The following ROCK1 variants were observed in gnomAD, a reference collection of about 807,000 sequenced individuals.
ROCK1 encodes the protein Rho associated coiled-coil containing protein kinase 1.
In ROCK1, 36 loss-of-function variants were observed where a neutral mutation model predicts 196.8. The observed-to-expected ratio is 0.18, with a 90% CI of 0.14 to 0.24. The LOEUF (loss-of-function observed/expected upper bound fraction) is 0.24, where lower values mean the gene tolerates loss of function less well. Ranked by LOEUF, ROCK1 falls within the 10% of genes least tolerant of loss-of-function variation. ROCK1 has a pLI of 1.00. For missense variants in ROCK1, 920 were observed against 1,562.0 expected (o/e 0.59, Z 6.93); for synonymous variants, 443 against 515.9 (o/e 0.86, Z 1.91).
At position 21,023,215 on chromosome 18, in the gene ROCK1, G is replaced by C. The variant is rs545017435; in HGVS notation, c.1272+405C>G. On this transcript the variant is annotated intron_variant, in intron 11 of 32. Transcript: ENST00000399799. ...TGAAGGTGCTTAATGCCACCGAACT[G>C]CACACTTAAAAATGATTAAAACGGT... is the stretch of plus-strand genomic sequence containing the variant. Among the ~76,000 whole-genome samples the C allele has an allele frequency of 5.3e-5, 8 of 152,194 alleles. No homozygotes were observed. In the South Asian group the frequency reaches 1.7e-3, roughly 32 times the overall value.
At position 20,992,613 on chromosome 18, in the gene ROCK1, C is replaced by A. The variant is rs2035636030; in HGVS notation, c.1992+218G>T. 3.9e-5 allele frequency among the ~76,000 whole-genome samples: 6 copies of A among 152,206 alleles called. No homozygotes were observed. The South Asian group carries it at 1.0e-3, about 26-fold the overall frequency. On this transcript the variant is annotated intron_variant, in intron 17 of 32. Transcript: ENST00000399799. The stretch of plus-strand genomic sequence containing the variant: ...TCTGTGATGATCTGTTAACATGAAA[C>A]ATCTAATGCTCTCTAGGGTAAAAAC...
Position 20,947,146 on chromosome 18 carries a change from A to G in ROCK1, c.*4238T>C, listed in dbSNP as rs919599643. 11 of 152,240 alleles carry G rather than the reference A, an allele frequency of 7.2e-5. No individual in the cohort carries two copies. The highest frequency in any genetic ancestry group is 1.3e-4 in the Non-Finnish European group (9 of 68,050). 9.4% of individuals were successfully genotyped at this position (152,240 alleles called of 1,614,324 possible). On this transcript the variant is annotated 3_prime_UTR_variant, in exon 33 of 33. Transcript: ENST00000399799. ...AGACAATTCATTAACATTTGGCAAA[A>G]GAAAGGAGATATTTAATCTCTTTGT...
At chr18:21,062,658 G>A (rs984033959) in intron 2 of ROCK1, among the ~76,000 whole-genome samples, 1 of 152,072 alleles carries the variant, frequency 6.6e-6, no homozygotes, top group African/African-American at 2.4e-5. Context: ...ACAGCGTTTG[G>A]AAAAAGAAAA....
Position 20,987,066 on chromosome 18 carries a change from C to A in ROCK1, c.2188G>T (p.Ala730Ser). ...TCAATCTGAACAACCCGATTTTCAG[C>A]CTTCTCTCGAGCTTCTCTTTCTTCT... The part of the protein sequence containing the change: ...LKEEREAREK[A>S]ENRVVQIEKQ... The change falls in exon 19 of 33, where the codon GCT becomes TCT. Residue 730 changes from alanine (A) to serine (S), a missense_variant. Around this residue, in one of 6 missense-constraint regions of ROCK1, gnomAD observed 520 missense variants for 657.1 expected, o/e 0.79. Transcript: ENST00000399799. 6.2e-7 allele frequency: 1 copy of A among 1,612,816 alleles called. No individual in the cohort carries two copies. Among genetic ancestry groups the A allele is most frequent in the East Asian group, 2.2e-5 (1 of 44,830 alleles).
At chr18:20,958,327 C>G (rs1274051136) in intron 29 of ROCK1, among the ~76,000 whole-genome samples, 1 of 151,914 alleles carries the variant, frequency 6.6e-6, no homozygotes, top group African/African-American at 2.4e-5. Flanking sequence ...GATGATAATA[C>G]TTTATTTTAT....
At chr18:21,047,370 T>C (rs768731204) in intron 4 of ROCK1, among the ~76,000 whole-genome samples, 3 of 152,062 alleles carry the variant, frequency 2.0e-5, no homozygotes, top group Non-Finnish European at 2.9e-5. Context: ...AATAAACACA[T>C]TAGTAACTGA....
At position 20,986,033 on chromosome 18, in the gene ROCK1, A is replaced by G. The variant is rs549695830; in HGVS notation, c.2304+917T>C. 3.5e-4 allele frequency among the ~76,000 whole-genome samples: 53 copies of G among 152,116 alleles called. No homozygotes were observed. In the South Asian group the frequency reaches 0.011, roughly 30 times the overall value. On this transcript the variant is annotated intron_variant, in intron 19 of 32. Transcript: ENST00000399799. ...GACACCACACCTAGCTGATTTTTGT[A>G]TTTGAGATGGGGTTTCACCATGTTG...
At chr18:21,058,369 A>G (rs1336686994) in intron 2 of ROCK1, among the ~76,000 whole-genome samples, 1 of 152,188 alleles carries the variant, frequency 6.6e-6, no homozygotes, top group Non-Finnish European at 1.5e-5. Flanking sequence ...TCTAAGATAC[A>G]TTCTAATTTC....
chr18:21,099,562 A>G (rs1462928046), intron 1 of ROCK1, among the ~76,000 whole-genome samples: 1 of 152,100 alleles, frequency 6.6e-6, no homozygotes, highest in Non-Finnish European at 1.5e-5. Flanking sequence ...TAGGCAACAC[A>G]GCGAGACTCC....
intron 1 of ROCK1, among the ~76,000 whole-genome samples, chr18:21,079,363 T>C (rs1186434316): frequency 3.9e-5 from 6 of 152,160 alleles, no homozygotes; most frequent in African/African-American, 1.4e-4. Flanking sequence ...GTAGTGAGGG[T>C]TTAACTTAGC....
At chr18:21,057,131 T>C (rs1298857988) in intron 2 of ROCK1, among the ~76,000 whole-genome samples, 1 of 152,228 alleles carries the variant, frequency 6.6e-6, no homozygotes, top group Non-Finnish European at 1.5e-5. Context: ...ATCTGGTAAG[T>C]CTTCCTTCAT....
At chr18:20,981,872 T>C (rs1486092401) in intron 21 of ROCK1, among the ~76,000 whole-genome samples, 2 of 152,168 alleles carry the variant, frequency 1.3e-5, no homozygotes, top group Non-Finnish European at 2.9e-5. Context: ...GAAATTCAAA[T>C]AAGTAAATCA....
chr18:21,045,142 T>A, intron 5 of ROCK1, 150 bp downstream of exon 5: 1 of 592,108 alleles, frequency 1.7e-6, no homozygotes, highest in Non-Finnish European at 2.7e-6. Context: ...ATTACAGGCG[T>A]GAGGCAGCGC....
intron 1 of ROCK1, among the ~76,000 whole-genome samples, chr18:21,097,794 C>A (rs2143595550): frequency 6.6e-6 from 1 of 152,314 alleles, no homozygotes; most frequent in East Asian, 1.9e-4. Flanking sequence ...CTATGAGGGT[C>A]TATGATTAAT....
intron 22 of ROCK1, among the ~76,000 whole-genome samples, 181 bp from the exon 23 acceptor site, chr18:20,970,694 G>GA (rs2035417828): frequency 6.6e-6 from 1 of 152,096 alleles, no homozygotes; most frequent in Admixed American, 6.5e-5. Flanking sequence ...CTCACATGTT[G>GA]AAAAATTATA....
At chr18:21,108,040 G>C (rs989002576) in intron 1 of ROCK1, among the ~76,000 whole-genome samples, 1 of 151,714 alleles carries the variant, frequency 6.6e-6, no homozygotes, top group Non-Finnish European at 1.5e-5. Context: ...GGGCAACAGA[G>C]TGAGATTCCA....
chr18:21,020,469 T>C, intron 11 of ROCK1, among the ~76,000 whole-genome samples: 1 of 152,092 alleles, frequency 6.6e-6, no homozygotes. Context: ...CCTGTTCTCA[T>C]GAAGCAAATA....
At chr18:21,006,249 G>T in intron 16 of ROCK1, 102 bp downstream of exon 16, 1 of 869,880 alleles carries the variant, frequency 1.1e-6, no homozygotes, top group Non-Finnish European at 1.7e-6. Context: ...CATACATTGT[G>T]AACTGCATTT....
rs112172880 is a variant in ROCK1 at position 21,023,747 on chromosome 18, T to TAATA, written c.1212-71_1212-68dup. 63 of 771,810 alleles carry TAATA rather than the reference T, an allele frequency of 8.2e-5. No individual in the cohort carries two copies. In the African/African-American group the frequency reaches 8.5e-4, roughly 10 times the overall value. 47.8% of individuals were successfully genotyped at this position (771,810 alleles called of 1,614,324 possible). A position where few individuals can be genotyped will look rare whatever the true frequency, so the allele number is the denominator to read the frequency against. ...CTCTGTAATATCCCATGACAACCAATAATAAATACTACACGCCTATTTTAT... is the reference window on the plus strand; with the variant it reads ...CTCTGTAATATCCCATGACAACCAATAATAAATAAATACTACACGCCTATTTTAT... On this transcript the variant is annotated intron_variant, in intron 10 of 32. Coordinates refer to ENST00000399799, the MANE Select transcript of ROCK1 (RefSeq NM_005406.3).
Sources: allele counts gnomAD v4.1 joint callset (sites outside exome capture counted in the v4.1 genomes callset), GRCh38; gene constraint gnomAD v4.1.1; regional missense constraint gnomAD v4.1.1; transcripts MANE v1.5; gene names NCBI Gene and HGNC (gene_info 2026-07-23, HGNC 2026-07-21).